The following AADAT variants were observed in gnomAD, a reference collection of about 807,000 sequenced individuals.
The protein encoded by AADAT is kynurenine/alpha-aminoadipate aminotransferase, mitochondrial.
Under a neutral mutation model 56.2 loss-of-function variants are expected in AADAT, and 25 were observed. That is an observed-to-expected ratio of 0.44 (90% CI 0.32 to 0.62). The LOEUF (loss-of-function observed/expected upper bound fraction) is 0.62. Among genes scored for constraint, AADAT ranks in the 20% least tolerant of loss-of-function variants. The pLI is 0.04. For missense variants in AADAT, 387 were observed against 510.5 expected (o/e 0.76, Z 2.33); for synonymous variants, 173 against 164.7 (o/e 1.05, Z -0.39).
At chr4:170,074,792 G>A (rs555001642) in intron 4 of AADAT, among the ~76,000 whole-genome samples, 21 of 152,112 alleles carry the variant, frequency 1.4e-4, no homozygotes, top group African/African-American at 4.8e-4. Flanking sequence ...TGCTAAGGCT[G>A]AACTGGCTTG....
intron 10 of AADAT, among the ~76,000 whole-genome samples, chr4:170,065,484 C>T (rs1731409708): frequency 6.6e-6 from 1 of 151,048 alleles, no homozygotes; most frequent in Non-Finnish European, 1.5e-5. Flanking sequence ...TAAAATAATG[C>T]TATTGTCAGA....
chr4:170,089,455 G>A (rs1427920179), intron 1 of AADAT, 169 bp downstream of exon 1: 13 of 739,538 alleles, frequency 1.8e-5, no homozygotes, highest in Non-Finnish European at 2.7e-5. Context: ...AGTTCTTTGA[G>A]AACAAAGGCT....
At position 170,065,301 on chromosome 4, in the gene AADAT, A is replaced by G. The variant is rs370212147; in HGVS notation, c.1028-476T>C. ...CAGAATGTAATTAATTATGAAAAGA[A>G]ATACTTAAAATTCAAGAATTCCAGA... is the stretch of plus-strand genomic sequence containing the variant. On this transcript the variant is annotated intron_variant, in intron 10 of 12. Transcript: ENST00000337664. Among the ~76,000 whole-genome samples the G allele has an allele frequency of 4.6e-5, 7 of 152,334 alleles. No homozygotes were observed. In the East Asian group the frequency reaches 1.2e-3, roughly 25 times the overall value.
At chr4:170,078,663 T>G in intron 3 of AADAT, 80 bp from the exon 4 acceptor site, 1 of 938,176 alleles carries the variant, frequency 1.1e-6, no homozygotes, top group East Asian at 2.6e-5. Context: ...ATTTTTTAGT[T>G]TGAGCTCACA....
At chr4:170,074,030 T>C (rs1386321563) in intron 4 of AADAT, among the ~76,000 whole-genome samples, 1 of 152,138 alleles carries the variant, frequency 6.6e-6, no homozygotes, top group Non-Finnish European at 1.5e-5. Flanking sequence ...TAGAGATTGC[T>C]TCTGTCAATC....
Position 170,069,172 on chromosome 4 carries a change from G to C in AADAT, c.779C>G (p.Ser260Cys). ...CCCAGAGGAAATGATTTTTGAAAAA[G>C]AGTCAGCTCTGATGACACGTCCATC... The part of the protein sequence containing the change: ...DVDGRVIRAD[S>C]FSKIISSGLR... Residue 260 changes from serine (S) to cysteine (C), a missense_variant, in exon 7 of 13, where the codon TCT (serine) becomes TGT (cysteine). Coordinates refer to ENST00000337664, the MANE Select transcript of AADAT (RefSeq NM_016228.4). The C allele has an allele frequency of 6.2e-7, 1 of 1,613,650 alleles. No individual in the cohort carries two copies. The highest frequency in any genetic ancestry group is 8.5e-7 in the Non-Finnish European group (1 of 1,179,834).
chr4:170,079,303 G>C (rs1287944309), intron 3 of AADAT, among the ~76,000 whole-genome samples: 1 of 152,184 alleles, frequency 6.6e-6, no homozygotes, highest in Non-Finnish European at 1.5e-5. Context: ...GCAGAATGTA[G>C]AGAAAAGAGT....
intron 4 of AADAT, among the ~76,000 whole-genome samples, chr4:170,075,727 C>T (rs1169972269): frequency 6.6e-6 from 1 of 152,206 alleles, no homozygotes; most frequent in Non-Finnish European, 1.5e-5. Context: ...GACTCTGTAC[C>T]TATTAATCAA....
At chr4:170,074,970 C>T (rs1024041292) in intron 4 of AADAT, among the ~76,000 whole-genome samples, 1 of 152,052 alleles carries the variant, frequency 6.6e-6, no homozygotes, top group African/African-American at 2.4e-5. Flanking sequence ...TGTAGAATTA[C>T]GCATAAAAAA....
intron 7 of AADAT, among the ~76,000 whole-genome samples, chr4:170,068,931 C>T (rs1194688118): frequency 6.6e-6 from 1 of 152,094 alleles, no homozygotes; most frequent in African/African-American, 2.4e-5. Context: ...CTGACTGGTC[C>T]GACTACAACT....
intron 6 of AADAT, 42 bp from the exon 7 acceptor site, chr4:170,069,272 T>G: frequency 5.4e-6 from 8 of 1,488,292 alleles, no homozygotes; most frequent in Non-Finnish European, 7.5e-6. Context: ...CTGAAAGCTC[T>G]GTTAGTCACT....
At chr4:170,085,529 C>G (rs182836111) in intron 3 of AADAT, among the ~76,000 whole-genome samples, 33 of 152,232 alleles carry the variant, frequency 2.2e-4, no homozygotes, top group Non-Finnish European at 4.0e-4. Flanking sequence ...AAGTTATTGA[C>G]GTATTTAGCA....
chr4:170,079,925 T>C (rs897423988), intron 3 of AADAT, among the ~76,000 whole-genome samples: 2 of 152,074 alleles, frequency 1.3e-5, no homozygotes, highest in South Asian at 2.1e-4. Flanking sequence ...GAAAAGTACA[T>C]AGACTAAGGA....
At chr4:170,092,029 A>C (rs1159415393), upstream of AADAT, among the ~76,000 whole-genome samples, 1 of 152,204 alleles carries the variant, frequency 6.6e-6, no homozygotes, top group South Asian at 2.1e-4. Flanking sequence ...TTGTAAACGC[A>C]CCAATCAGCA....
intron 11 of AADAT, 51 bp downstream of exon 11, chr4:170,064,662 TAAAGAA>T: frequency 7.3e-7 from 1 of 1,362,194 alleles, no homozygotes; most frequent in African/African-American, 1.5e-5. Context: ...AGCAAAATAT[TAAAGAA>T]AAAGTATAAC....
chr4:170,088,854 T>C (rs1286692355), intron 1 of AADAT, among the ~76,000 whole-genome samples: 2 of 152,148 alleles, frequency 1.3e-5, no homozygotes, highest in African/African-American at 2.4e-5. Flanking sequence ...TTGGCCCTTC[T>C]GCCACGTGAG....
intron 4 of AADAT, 67 bp from the exon 5 acceptor site, chr4:170,073,412 TTTTC>T (rs1731870156): frequency 1.4e-6 from 2 of 1,425,296 alleles, no homozygotes; most frequent in Non-Finnish European, 1.9e-6. Context: ...GGTTTTTTTT[TTTTC>T]TTTCTAACTA....
At chr4:170,093,636 C>T (rs78850838), upstream of AADAT, among the ~76,000 whole-genome samples, 1 of 152,100 alleles carries the variant, frequency 6.6e-6, no homozygotes, top group Admixed American at 6.5e-5. Context: ...ACTTTGTTAT[C>T]CAGGCTTGAA....
At chr4:170,080,410 G>C (rs2086156270) in intron 3 of AADAT, among the ~76,000 whole-genome samples, 1 of 152,084 alleles carries the variant, frequency 6.6e-6, no homozygotes, top group Non-Finnish European at 1.5e-5. Flanking sequence ...CACCATCTTT[G>C]GTTCCCTGGC....
Sources: allele counts gnomAD v4.1 joint callset (sites outside exome capture counted in the v4.1 genomes callset), GRCh38; gene constraint gnomAD v4.1.1; transcripts MANE v1.5; gene names NCBI Gene and HGNC (gene_info 2026-07-23, HGNC 2026-07-21).